COL23A1: variants seen among roughly 807,000 people sequenced by gnomAD.
The protein encoded by COL23A1 is collagen alpha-1(XXIII) chain.
Under a neutral mutation model 99.3 loss-of-function variants are expected in COL23A1, and 97 were observed. That is an observed-to-expected ratio of 0.98 (90% CI 0.83 to 1.16). COL23A1 has a LOEUF of 1.16. COL23A1 is among the 50% of genes most tolerant of loss of function. The pLI, the probability that COL23A1 is intolerant of heterozygous loss-of-function variation, is 0.00. For missense variants in COL23A1, 762 were observed against 757.4 expected, an observed-to-expected ratio of 1.01 and a Z score of -0.07; for synonymous variants, 320 against 308.2, an observed-to-expected ratio of 1.04 and a Z score of -0.40.
chr5:178,241,798 C>T (rs1408971510), intron 27 of COL23A1, among the ~76,000 whole-genome samples: 1 of 152,248 alleles, frequency 6.6e-6, no homozygotes, highest in East Asian at 1.9e-4. Flanking sequence ...GGCTGGGCCT[C>T]CAGCTCTACA....
chr5:178,362,656 G>A (rs1404269865), intron 2 of COL23A1, among the ~76,000 whole-genome samples: 1 of 152,120 alleles, frequency 6.6e-6, no homozygotes, highest in Non-Finnish European at 1.5e-5. Flanking sequence ...ATGTCACCCA[G>A]GAGTCTCCGC....
intron 2 of COL23A1, among the ~76,000 whole-genome samples, chr5:178,343,636 ATCTGAATTTTTCCAT>A (rs1431448872): frequency 6.7e-5 from 10 of 149,326 alleles, no homozygotes; most frequent in Middle Eastern, 3.2e-3. Flanking sequence ...TTGTGCAAAC[ATCTGAATTTTTCCAT>A]TATATATATA....
chr5:178,356,826 C>T (rs373788752), intron 2 of COL23A1, among the ~76,000 whole-genome samples: 1 of 152,074 alleles, frequency 6.6e-6, no homozygotes, highest in East Asian at 1.9e-4. Flanking sequence ...GATGCCAGGG[C>T]TCCGAGCCTC....
intron 2 of COL23A1, among the ~76,000 whole-genome samples, chr5:178,452,039 A>G (rs1031485973): frequency 6.6e-6 from 1 of 152,192 alleles, no homozygotes; most frequent in African/African-American, 2.4e-5. Flanking sequence ...TAAAAATGCA[A>G]AAGTAGCTAG....
intron 1 of COL23A1, among the ~76,000 whole-genome samples, chr5:178,585,397 G>GGTTGATGCTGGGGTA (rs1562114366): frequency 2.3e-4 from 33 of 146,200 alleles, no homozygotes; most frequent in African/African-American, 7.7e-4. Flanking sequence ...CCGCGGCCCT[G>GGTTGATGCTGGGGTA]ACTGATGTGT....
At chr5:178,358,078 GTA>G (rs1491160891) in intron 2 of COL23A1, among the ~76,000 whole-genome samples, 7 of 144,432 alleles carry the variant, frequency 4.8e-5, no homozygotes. Flanking sequence ...GTGTGTATGT[GTA>G]TGTACGTGTG....
intron 2 of COL23A1, among the ~76,000 whole-genome samples, chr5:178,539,730 AT>A (rs987126411): frequency 1.3e-5 from 2 of 151,962 alleles, no homozygotes; most frequent in African/African-American, 4.8e-5. Context: ...AACCTTACAC[AT>A]TTTTTTCCAG....
At chr5:178,416,638 C>T (rs1238190789) in intron 2 of COL23A1, among the ~76,000 whole-genome samples, 2 of 152,190 alleles carry the variant, frequency 1.3e-5, no homozygotes, top group Non-Finnish European at 2.9e-5. Flanking sequence ...AACATTATCT[C>T]ACTTAATCGT....
At chr5:178,245,879 C>T in intron 25 of COL23A1, 63 bp downstream of exon 25, 3 of 1,579,582 alleles carry the variant, frequency 1.9e-6, no homozygotes, top group Non-Finnish European at 2.6e-6. Context: ...CAGGTTACTG[C>T]ATGAGGGCAG....
intron 2 of COL23A1, among the ~76,000 whole-genome samples, chr5:178,380,070 CTG>C (rs1418564151): frequency 6.6e-6 from 1 of 151,124 alleles, no homozygotes; most frequent in African/African-American, 2.5e-5. Context: ...CCAACATGAC[CTG>C]TGTTTTGTGA....
intron 2 of COL23A1, among the ~76,000 whole-genome samples, chr5:178,519,227 T>C (rs1252662551): frequency 1.3e-5 from 2 of 152,234 alleles, no homozygotes; most frequent in African/African-American, 4.8e-5. Context: ...ATTTTGTAGA[T>C]GAGGAAACTG....
At chr5:178,535,437 C>A (rs1760884839) in intron 2 of COL23A1, among the ~76,000 whole-genome samples, 2 of 152,250 alleles carry the variant, frequency 1.3e-5, no homozygotes, top group Admixed American at 1.3e-4. Flanking sequence ...TGAGCATGCT[C>A]CTGTGAGCAC....
At chr5:178,276,413 G>A (rs1386691851) in intron 5 of COL23A1, among the ~76,000 whole-genome samples, 3 of 152,222 alleles carry the variant, frequency 2.0e-5, no homozygotes, top group Admixed American at 6.5e-5. Flanking sequence ...ACTAGGACAA[G>A]GCCCCTGGAA....
At chr5:178,430,368 T>G (rs576991545) in intron 2 of COL23A1, among the ~76,000 whole-genome samples, 1 of 152,282 alleles carries the variant, frequency 6.6e-6, no homozygotes, top group South Asian at 2.1e-4. Context: ...TCCGATTTCC[T>G]AAGGACATCA....
At position 178,521,202 on chromosome 5, in the gene COL23A1, A is replaced by G. The variant is rs377008718; in HGVS notation, c.361+39480T>C. Among the ~76,000 whole-genome samples, 22 of 152,366 alleles carry G rather than the reference A, an allele frequency of 1.4e-4. 1 individual carries two copies. The East Asian group carries it at 1.9e-3, about 13-fold the overall frequency. On this transcript the variant is annotated intron_variant, in intron 2 of 28. Transcript: ENST00000390654. ...GGGACCACCATCATATATGTGGTAC[A>G]TCGTTGACTGAAATGTGGTTATGGG... is the stretch of plus-strand genomic sequence containing the variant.
At chr5:178,471,555 C>T (rs1756753574) in intron 2 of COL23A1, among the ~76,000 whole-genome samples, 2 of 151,946 alleles carry the variant, frequency 1.3e-5, no homozygotes, top group Admixed American at 1.3e-4. Flanking sequence ...TTTATATTTT[C>T]TGATGCTGTG....
At chr5:178,238,808 C>T in intron 28 of COL23A1, 108 bp from the exon 29 acceptor site, 2 of 1,443,552 alleles carry the variant, frequency 1.4e-6, no homozygotes, top group East Asian at 2.3e-5. Context: ...CTCCTATCTT[C>T]CCTCCCCCCA....
chr5:178,459,883 A>T (rs1280715163), intron 2 of COL23A1, among the ~76,000 whole-genome samples: 2 of 152,222 alleles, frequency 1.3e-5, no homozygotes, highest in Non-Finnish European at 2.9e-5. Flanking sequence ...CAAAACTAAT[A>T]GAGAGTGTTC....
At chr5:178,501,658 A>T (rs1758542348) in intron 2 of COL23A1, among the ~76,000 whole-genome samples, 1 of 152,066 alleles carries the variant, frequency 6.6e-6, no homozygotes, top group Non-Finnish European at 1.5e-5. Flanking sequence ...GATAGAGGGC[A>T]TTAGGCAACT....
Sources: gnomAD v4.1 joint callset for allele counts (sites outside exome capture counted in the v4.1 genomes callset) on GRCh38, gnomAD v4.1.1 for gene constraint, MANE v1.5 for transcripts, NCBI Gene and HGNC (gene_info 2026-07-23, HGNC 2026-07-21) for gene names.